SLC24A2: variants seen among roughly 807,000 people sequenced by gnomAD.
The protein encoded by SLC24A2 is solute carrier family 24 member 2.
SLC24A2 carries 36 observed loss-of-function variants against 62.0 expected under a neutral mutation model. The ratio of observed to expected loss-of-function variants is 0.58; its 90% CI spans 0.44 to 0.77. SLC24A2 has a LOEUF of 0.77. Ranked by LOEUF, SLC24A2 falls within the 30% of genes least tolerant of loss-of-function variation. SLC24A2 has a pLI of 0.00. For synonymous variants in SLC24A2, 358 were observed against 294.0 expected, an observed-to-expected ratio of 1.22 and a Z score of -2.23; for missense variants, 846 against 817.9, an observed-to-expected ratio of 1.03 and a Z score of -0.42.
chr9:19,528,522 T>G (rs1211772233), intron 8 of SLC24A2, among the ~76,000 whole-genome samples: 1 of 152,200 alleles, frequency 6.6e-6, no homozygotes, highest in Non-Finnish European at 1.5e-5. Flanking sequence ...CTCCAGAGTT[T>G]GTCAGAATCA....
At chr9:19,553,724 T>C (rs1834951148) in intron 7 of SLC24A2, among the ~76,000 whole-genome samples, 1 of 152,226 alleles carries the variant, frequency 6.6e-6, no homozygotes, top group Admixed American at 6.5e-5. Context: ...AAGCAGTCAC[T>C]AAGCACCTAC....
the SLC24A2 span, among the ~76,000 whole-genome samples, chr9:20,198,127 T>A: frequency 3.3e-5 from 5 of 152,092 alleles, no homozygotes; most frequent in Admixed American, 6.5e-5. Flanking sequence ...TCCCCAGGGA[T>A]TGAGGGGGTG....
At chr9:20,199,037 T>A in the SLC24A2 span, among the ~76,000 whole-genome samples, 4 of 152,150 alleles carry the variant, frequency 2.6e-5, no homozygotes, top group African/African-American at 9.7e-5. Flanking sequence ...GAAGGTAGAC[T>A]AGGTAGGGGA....
intron 2 of SLC24A2, among the ~76,000 whole-genome samples, chr9:19,676,133 T>A (rs901808576): frequency 5.9e-5 from 9 of 152,224 alleles, no homozygotes; most frequent in African/African-American, 2.2e-4. Flanking sequence ...TCTTGTGATC[T>A]GGACCTTCAG....
chr9:19,563,126 G>T lies in SLC24A2; in HGVS notation c.1347+10225C>A, dbSNP rs75094153. On this transcript the variant is annotated intron_variant, in intron 7 of 10. Coordinates refer to ENST00000341998, the MANE Select transcript of SLC24A2 (RefSeq NM_020344.4). ...AACTCTAAAAAAATAAAAATAAACA[G>T]TCTGATGAAGAGTCTTTTGATATTC... 2.0e-5 allele frequency among the ~76,000 whole-genome samples: 3 copies of T among 152,008 alleles called. No individual in the cohort carries two copies. The East Asian group carries it at 5.8e-4, about 29-fold the overall frequency.
chr9:19,528,224 G>T, intron 8 of SLC24A2, 86 bp from the exon 9 acceptor site: 1 of 882,368 alleles, frequency 1.1e-6, no homozygotes, highest in Non-Finnish European at 1.9e-6. Context: ...CACCATTGTA[G>T]CAATTTCTCT....
chr9:19,795,298 G>C, the SLC24A2 span, among the ~76,000 whole-genome samples: 1 of 142,678 alleles, frequency 7.0e-6, no homozygotes, highest in Non-Finnish European at 1.5e-5. Flanking sequence ...CCAATGCCAG[G>C]ATTCAGGTAA....
the SLC24A2 span, among the ~76,000 whole-genome samples, chr9:19,925,640 C>T: frequency 6.6e-6 from 1 of 152,082 alleles, no homozygotes; most frequent in East Asian, 1.9e-4. Flanking sequence ...CCAGAACCTG[C>T]GTCATGTATT....
chr9:19,782,059 C>T (rs1823033851), intron 2 of SLC24A2, among the ~76,000 whole-genome samples: 1 of 152,116 alleles, frequency 6.6e-6, no homozygotes, highest in African/African-American at 2.4e-5. Context: ...TCCAACTATC[C>T]AGCTTTAAGC....
chr9:20,300,127 T>G, the SLC24A2 span, among the ~76,000 whole-genome samples: 2 of 152,302 alleles, frequency 1.3e-5, no homozygotes, highest in East Asian at 1.9e-4. Flanking sequence ...TTTTTAAAAT[T>G]TTTATGGATA....
intron 2 of SLC24A2, among the ~76,000 whole-genome samples, chr9:19,693,952 G>A (rs1820114238): frequency 6.6e-6 from 1 of 151,978 alleles, no homozygotes; most frequent in Non-Finnish European, 1.5e-5. Context: ...GAGGAAAAAT[G>A]GTCAATAGAA....
chr9:20,138,351 A>G, the SLC24A2 span, among the ~76,000 whole-genome samples: 11,661 of 152,210 alleles, frequency 0.077, 1,347 homozygotes, highest in East Asian at 0.55. Flanking sequence ...AATCTCTACA[A>G]TGCAGTTTAA....
the SLC24A2 span, among the ~76,000 whole-genome samples, chr9:20,259,656 A>G: frequency 4.6e-5 from 7 of 152,114 alleles, no homozygotes; most frequent in Non-Finnish European, 1.0e-4. Flanking sequence ...AATAGTCCCC[A>G]GTAGTCATCT....
At chr9:19,726,071 G>A (rs552197225) in intron 2 of SLC24A2, among the ~76,000 whole-genome samples, 2 of 152,248 alleles carry the variant, frequency 1.3e-5, no homozygotes, top group East Asian at 3.9e-4. Flanking sequence ...CTCTAGCGAG[G>A]CCACATCCTC....
chr9:19,776,989 A>G (rs1308345690), intron 2 of SLC24A2, among the ~76,000 whole-genome samples: 2 of 152,176 alleles, frequency 1.3e-5, no homozygotes, highest in Non-Finnish European at 2.9e-5. Context: ...TGAAAACTTC[A>G]TTTCCCAAAT....
At chr9:19,788,351 G>A (rs1447193134) in intron 1 of SLC24A2, among the ~76,000 whole-genome samples, 1 of 152,148 alleles carries the variant, frequency 6.6e-6, no homozygotes, top group Non-Finnish European at 1.5e-5. Flanking sequence ...TCAACTCCCC[G>A]GGCGCAAAGT....
At chr9:19,557,977 G>A (rs7026681) in intron 7 of SLC24A2, among the ~76,000 whole-genome samples, 63,592 of 151,648 alleles carry the variant, frequency 0.42, 14,403 homozygotes, top group East Asian at 0.92. Context: ...GCACCACCAT[G>A]GCTAATTTTT....
At chr9:19,691,846 T>G (rs1281445321) in intron 2 of SLC24A2, among the ~76,000 whole-genome samples, 1 of 152,094 alleles carries the variant, frequency 6.6e-6, no homozygotes, top group East Asian at 1.9e-4. Flanking sequence ...TTGCTTCCCT[T>G]GAGATGCTGA....
At chr9:19,834,303 T>C in the SLC24A2 span, among the ~76,000 whole-genome samples, 1 of 150,602 alleles carries the variant, frequency 6.6e-6, no homozygotes, top group Admixed American at 6.6e-5. Context: ...TTCGAACCAA[T>C]GGCAAAGAAG....
Sources: allele counts gnomAD v4.1 joint callset (sites outside exome capture counted in the v4.1 genomes callset), GRCh38; gene constraint gnomAD v4.1.1; transcripts MANE v1.5; gene names NCBI Gene and HGNC (gene_info 2026-07-23, HGNC 2026-07-21).